Variants in SAMD8 observed in about 807,000 individuals in gnomAD.
SAMD8 encodes sphingomyelin synthase-related protein 1.
SAMD8 carries 20 observed loss-of-function variants against 42.0 expected under a neutral mutation model. The observed-to-expected ratio is 0.48, with a 90% CI of 0.34 to 0.69. SAMD8 has a LOEUF of 0.69. SAMD8 is among the 30% of genes least tolerant of loss of function. The probability of loss-of-function intolerance (pLI) is 0.01; values close to 1 mark genes in which losing one functional copy is unlikely to be tolerated. For missense variants in SAMD8, 328 were observed against 511.6 expected, an observed-to-expected ratio of 0.64 and a Z score of 3.46; for synonymous variants, 162 against 173.0, an observed-to-expected ratio of 0.94 and a Z score of 0.50.
intron 2 of SAMD8, among the ~76,000 whole-genome samples, chr10:75,152,762 A>G (rs1840322015): frequency 6.6e-6 from 1 of 152,066 alleles, no homozygotes; most frequent in South Asian, 2.1e-4. Context: ...ACTACTCAGG[A>G]GGCCAAGGTG....
intron 1 of SAMD8, among the ~76,000 whole-genome samples, chr10:75,148,600 G>C (rs1056100549): frequency 2.6e-5 from 4 of 152,034 alleles, no homozygotes; most frequent in Non-Finnish European, 5.9e-5. Flanking sequence ...TGATCCACCC[G>C]CCTCGGCCTC....
intron 2 of SAMD8, among the ~76,000 whole-genome samples, chr10:75,158,142 AG>A (rs1183594106): frequency 2.0e-5 from 3 of 148,072 alleles, no homozygotes; most frequent in African/African-American, 7.5e-5. Flanking sequence ...CTGGGCAACA[AG>A]AGCAAAACTC....
rs374690295 is a variant in SAMD8 at position 75,141,513 on chromosome 10, T to TC, written c.-15-8999dup. Among the ~76,000 whole-genome samples the TC allele has an allele frequency of 1.3e-3, 191 of 151,958 alleles. 1 individual carries two copies. Among genetic ancestry groups the TC allele is most frequent in the African/African-American group, 4.5e-3 (185 of 41,482 alleles). ...TGTCAGCAAATAGAGTTTTATTTCT[T>TC]CCTTTTTAATCTGTATGCCTTTTAC... On this transcript the variant is annotated intron_variant, in intron 1 of 5. Coordinates refer to ENST00000542569, the MANE Select transcript of SAMD8 (RefSeq NM_001174156.2).
intron 1 of SAMD8, among the ~76,000 whole-genome samples, chr10:75,145,829 A>G (rs1019179867): frequency 1.3e-5 from 2 of 152,174 alleles, no homozygotes; most frequent in African/African-American, 4.8e-5. Flanking sequence ...CCTTACTACT[A>G]TGGCAAGATC....
chr10:75,179,271 A>G lies in SAMD8; in HGVS notation c.*2579A>G, dbSNP rs892541647. On this transcript the variant is annotated 3_prime_UTR_variant, in exon 6 of 6. Transcript: ENST00000542569. ...TGAGGCAGAAGGATCACTTGAGCCC[A>G]AGGAGGTTGAGGCTACAGTGAGCTG... 1 of 150,652 alleles carries G rather than the reference A, an allele frequency of 6.6e-6. No homozygotes were observed. Among genetic ancestry groups the G allele is most frequent in the African/African-American group, 2.4e-5 (1 of 40,820 alleles). The allele number at this position is 150,652 out of a possible 1,614,324, so 9.3% of individuals were successfully genotyped here.
upstream of SAMD8, among the ~76,000 whole-genome samples, chr10:75,106,795 T>A (rs1466998989): frequency 6.6e-6 from 1 of 152,224 alleles, no homozygotes; most frequent in African/African-American, 2.4e-5. Flanking sequence ...AGCTGGTGAA[T>A]GAATGGATAA....
chr10:75,148,126 C>G (rs1010583774), intron 1 of SAMD8, among the ~76,000 whole-genome samples: 1 of 151,988 alleles, frequency 6.6e-6, no homozygotes, highest in African/African-American at 2.4e-5. Flanking sequence ...CCAAAAATTA[C>G]GATTGCTTTT....
At chr10:75,160,478 T>C (rs1840533560) in intron 2 of SAMD8, among the ~76,000 whole-genome samples, 1 of 152,030 alleles carries the variant, frequency 6.6e-6, no homozygotes. Context: ...AGTGCTGGGA[T>C]TACAGGCGTG....
intron 1 of SAMD8, among the ~76,000 whole-genome samples, chr10:75,137,072 T>C (rs1376866919): frequency 6.6e-6 from 1 of 152,212 alleles, no homozygotes; most frequent in Non-Finnish European, 1.5e-5. Flanking sequence ...ATTCCACTTC[T>C]AGGTATATAC....
chr10:75,156,290 C>G (rs1434298433), intron 2 of SAMD8, among the ~76,000 whole-genome samples: 1 of 152,074 alleles, frequency 6.6e-6, no homozygotes, highest in African/African-American at 2.4e-5. Context: ...TGAGACCAAG[C>G]AAACAAAAAT....
chr10:75,152,532 AAAAG>A, intron 2 of SAMD8, among the ~76,000 whole-genome samples: 1 of 147,742 alleles, frequency 6.8e-6, no homozygotes, highest in African/African-American at 2.6e-5. Context: ...AAAAAAAAAA[AAAAG>A]AAAAAAAAAA....
At chr10:75,117,685 C>A (rs1434859843) in intron 1 of SAMD8, among the ~76,000 whole-genome samples, 1 of 152,178 alleles carries the variant, frequency 6.6e-6, no homozygotes, top group Non-Finnish European at 1.5e-5. Context: ...CCATTATACT[C>A]CAGCCTGGGC....
At chr10:75,123,162 T>A (rs1308544518) in intron 1 of SAMD8, among the ~76,000 whole-genome samples, 152 of 99,558 alleles carry the variant, frequency 1.5e-3, no homozygotes, top group South Asian at 0.011. Flanking sequence ...CCACCCCACC[T>A]CACCCCACCC....
chr10:75,127,628 A>G (rs1849175210), intron 1 of SAMD8, among the ~76,000 whole-genome samples: 2 of 152,234 alleles, frequency 1.3e-5, no homozygotes, highest in Non-Finnish European at 2.9e-5. Flanking sequence ...TTTGTGAGTT[A>G]GGGTGTACAT....
At chr10:75,152,521 C>CAAAAAAAAAAAAA (rs1280262074) in intron 2 of SAMD8, among the ~76,000 whole-genome samples, 1 of 46,424 alleles carries the variant, frequency 2.2e-5, no homozygotes, top group Non-Finnish European at 4.4e-5. Context: ...GACTCCGTCT[C>CAAAAAAAAAAAAA]AAAAAAAAAA....
chr10:75,138,632 T>A (rs1839948279), intron 1 of SAMD8, among the ~76,000 whole-genome samples: 1 of 152,136 alleles, frequency 6.6e-6, no homozygotes, highest in Non-Finnish European at 1.5e-5. Context: ...TAATAGAAAA[T>A]ATACTGAGTT....
intron 1 of SAMD8, among the ~76,000 whole-genome samples, chr10:75,117,952 T>C (rs1589932209): frequency 6.6e-6 from 1 of 152,186 alleles, no homozygotes; most frequent in East Asian, 1.9e-4. Context: ...TTCTTACTCA[T>C]TGAGGGGAGA....
At chr10:75,127,723 T>C (rs1589941645) in intron 1 of SAMD8, among the ~76,000 whole-genome samples, 1 of 152,328 alleles carries the variant, frequency 6.6e-6, no homozygotes, top group South Asian at 2.1e-4. Flanking sequence ...AACTAGGTAT[T>C]GAATGGATAG....
intron 1 of SAMD8, among the ~76,000 whole-genome samples, chr10:75,128,478 T>C (rs1189807168): frequency 6.6e-6 from 1 of 152,074 alleles, no homozygotes; most frequent in Non-Finnish European, 1.5e-5. Flanking sequence ...TCCCAAAGTG[T>C]TGGGATTACA....
Sources: gnomAD v4.1 joint callset for allele counts (sites outside exome capture counted in the v4.1 genomes callset) on GRCh38, gnomAD v4.1.1 for gene constraint, MANE v1.5 for transcripts, NCBI Gene and HGNC (gene_info 2026-07-23, HGNC 2026-07-21) for gene names.